Variants in BTN2A2 observed in about 807,000 individuals in gnomAD.
BTN2A2 encodes butyrophilin subfamily 2 member A2.
Under a neutral mutation model 34.7 loss-of-function variants are expected in BTN2A2, and 29 were observed. That is an observed-to-expected ratio of 0.84 (90% CI 0.62 to 1.14). The LOEUF (loss-of-function observed/expected upper bound fraction) is 1.14, where lower values mean the gene tolerates loss of function less well. BTN2A2 is among the 50% of genes most tolerant of loss of function. The pLI, the probability that BTN2A2 is intolerant of heterozygous loss-of-function variation, is 0.00. For missense variants in BTN2A2, 612 were observed against 651.5 expected, an observed-to-expected ratio of 0.94 and a Z score of 0.66; for synonymous variants, 240 against 253.1, an observed-to-expected ratio of 0.95 and a Z score of 0.49.
intron 7 of BTN2A2, 127 bp downstream of exon 7, chr6:26,390,956 A>T: frequency 7.0e-7 from 1 of 1,423,654 alleles, no homozygotes; most frequent in Non-Finnish European, 9.9e-7. Context: ...GGGTCAGTTC[A>T]TCAACGGTGT....
At position 26,392,894 on chromosome 6, in the gene BTN2A2, C is replaced by T. The variant is rs754406337; in HGVS notation, c.1499C>T (p.Thr500Ile). 1 of 1,614,084 alleles carries T rather than the reference C, an allele frequency of 6.2e-7. No individual in the cohort carries two copies. The highest frequency in any genetic ancestry group is 1.3e-5 in the African/African-American group (1 of 74,926). ...CCCATCTTCATCTGCCCTGCACTCA[C>T]AGGAGCCAGTGGGGTCATGGTGCCT... The part of the protein sequence containing the change: ...DSPIFICPAL[T>I]GASGVMVPEE... The change falls in exon 8 of 8, where the codon ACA becomes ATA. Residue 500 changes from threonine (T) to isoleucine (I), a missense_variant. By Grantham distance (89) the Thr-to-Ile change is moderately conservative. Coordinates refer to ENST00000356709, the MANE Select transcript of BTN2A2 (RefSeq NM_006995.5).
Position 26,392,410 on chromosome 6 carries a change from G to T in BTN2A2, c.1015G>T (p.Glu339Ter), listed in dbSNP as rs138172438. ...CCTGGATCCAGACACCGCTCATCCCGAGCTCTTCCTGTCAGAGGACCGGAG... is the reference window on the plus strand; with the variant it reads ...CCTGGATCCAGACACCGCTCATCCCTAGCTCTTCCTGTCAGAGGACCGGAG... Reference protein sequence around the residue: ...VVLDPDTAHPELFLSEDRRSV... With the variant: ...VVLDPDTAHP Residue 339 changes from glutamate to a stop codon, truncating the protein, a stop_gained, in exon 8 of 8, where the codon GAG (glutamate) becomes TAG (stop). Transcript: ENST00000356709. LOFTEE classifies it low-confidence loss of function (END_TRUNC). The T allele has an allele frequency of 2.5e-6, 4 of 1,614,186 alleles. No homozygotes were observed. The South Asian group carries it at 3.3e-5, about 13-fold the overall frequency.
rs996356931 is a variant in BTN2A2 at position 26,394,437 on chromosome 6, T to C, written c.*1470T>C. ...CTCCTTCTGTTGGCTGGGTGCCCAATACAACAAAAAGGCAGAGGAAAGGCA... is the reference window on the plus strand; with the variant it reads ...CTCCTTCTGTTGGCTGGGTGCCCAACACAACAAAAAGGCAGAGGAAAGGCA... On this transcript the variant is annotated 3_prime_UTR_variant, in exon 8 of 8. Coordinates refer to ENST00000356709, the MANE Select transcript of BTN2A2 (RefSeq NM_006995.5). 3 of 648,690 alleles carry C rather than the reference T, an allele frequency of 4.6e-6. No individual in the cohort carries two copies. The African/African-American group carries it at 5.4e-5, about 12-fold the overall frequency. 40.2% of individuals were successfully genotyped at this position (648,690 alleles called of 1,614,324 possible).
intron 7 of BTN2A2, 122 bp from the exon 8 acceptor site, chr6:26,392,253 A>T: frequency 6.4e-7 from 1 of 1,563,402 alleles, no homozygotes; most frequent in Non-Finnish European, 8.7e-7. Context: ...GGGGACCTTC[A>T]TGGAAACGGC....
At position 26,394,491 on chromosome 6, in the gene BTN2A2, CTCT is replaced by C. The variant is rs766182183; in HGVS notation, c.*1534_*1536del. The C allele has an allele frequency of 2.7e-5, 15 of 563,590 alleles. No homozygotes were observed. The highest frequency in any genetic ancestry group is 1.8e-4 in the South Asian group (8 of 43,342). The allele number at this position is 563,590 out of a possible 1,614,324, so 34.9% of individuals were successfully genotyped here. On this transcript the variant is annotated 3_prime_UTR_variant, in exon 8 of 8. Transcript: ENST00000356709. ...TCTTCTCTCCTCTGGAGCTGAGACA[CTCT>C]TCTTCTTCTGCCCTTGGACATCAGA...
At position 26,385,016 on chromosome 6, in the gene BTN2A2, C is replaced by T; in HGVS notation, c.96C>T (p.Ala32=). 11 of 1,613,270 alleles carry T rather than the reference C, an allele frequency of 6.8e-6. No individual in the cohort carries two copies. Among genetic ancestry groups the T allele is most frequent in the Non-Finnish European group, 9.3e-6 (11 of 1,179,412 alleles). The change falls in exon 3 of 8, where the codon GCC becomes GCT. Residue 32 remains alanine, a splice_region_variant and synonymous_variant. Coordinates refer to ENST00000356709, the MANE Select transcript of BTN2A2 (RefSeq NM_006995.5). The part of the protein sequence containing the change: ...LLLSLCALVS[A]QFTVVGPANP... ...TCTGATTCTGCCCTTGTTGAACAGC[C>T]CAGTTTACTGTCGTGGGGCCAGCTA...
Position 26,384,050 on chromosome 6 carries a change from A to T in BTN2A2, c.94+135A>T. 1 of 1,043,900 alleles carries T rather than the reference A, an allele frequency of 9.6e-7. No individual in the cohort carries two copies. The highest frequency in any genetic ancestry group is 2.1e-5 in the Admixed American group (1 of 48,358). The allele number at this position is 1,043,900 out of a possible 1,614,324, so 64.7% of individuals were successfully genotyped here. A position where few individuals can be genotyped will look rare whatever the true frequency, so the allele number is the denominator to read the frequency against. On this transcript the variant is annotated intron_variant, in intron 2 of 7. Transcript: ENST00000356709. This position sits in a 1 kb window ranked among gnomAD's most constrained non-coding sequence, Gnocchi z 4.0. ...TTCTGAACATGTTCACTGAATTTATACCAGCACTGTCCAAAAGAAACACAG... is the reference window on the plus strand; with the variant it reads ...TTCTGAACATGTTCACTGAATTTATTCCAGCACTGTCCAAAAGAAACACAG...
Position 26,392,238 on chromosome 6 carries a change from G to T in BTN2A2, c.980-137G>T, listed in dbSNP as rs776513716. ...AATTCTCAGGGTATGAGCTGCCTGG[G>T]ATCAGGGGACCTTCATGGAAACGGC... On this transcript the variant is annotated intron_variant, in intron 7 of 7. Coordinates refer to ENST00000356709, the MANE Select transcript of BTN2A2 (RefSeq NM_006995.5). The T allele has an allele frequency of 3.9e-6, 6 of 1,553,370 alleles. No individual in the cohort carries two copies. In the Admixed American group the frequency reaches 7.8e-5, roughly 20 times the overall value.
intron 3 of BTN2A2, among the ~76,000 whole-genome samples, chr6:26,385,882 C>T (rs539396644): frequency 2.9e-4 from 44 of 152,290 alleles, no homozygotes; most frequent in African/African-American, 9.6e-4. Flanking sequence ...ACACGCATTC[C>T]TCAGCTGAGG....
intron 3 of BTN2A2, among the ~76,000 whole-genome samples, chr6:26,386,625 AC>A (rs1761220033): frequency 6.6e-6 from 1 of 152,124 alleles, no homozygotes; most frequent in Non-Finnish European, 1.5e-5. Flanking sequence ...TGTGGCAGGG[AC>A]CCACTACTCT....
chr6:26,389,936 G>C (rs749680627), intron 4 of BTN2A2, 69 bp from the exon 5 acceptor site: 5 of 1,480,092 alleles, frequency 3.4e-6, no homozygotes, highest in African/African-American at 1.4e-5. Context: ...CTTCAGATGT[G>C]CTCTTAGGGG....
intron 4 of BTN2A2, among the ~76,000 whole-genome samples, chr6:26,388,771 G>A (rs528398617): frequency 6.6e-5 from 10 of 152,272 alleles, no homozygotes; most frequent in African/African-American, 2.4e-4. Context: ...GGAAACCAAG[G>A]GTCAATAATT....
intron 3 of BTN2A2, among the ~76,000 whole-genome samples, chr6:26,386,768 G>A (rs1761228989): frequency 6.6e-6 from 1 of 152,134 alleles, no homozygotes; most frequent in Non-Finnish European, 1.5e-5. Context: ...TAAATCTATT[G>A]TGTCATGCTT....
intron 7 of BTN2A2, 152 bp from the exon 8 acceptor site, chr6:26,392,223 G>A: frequency 6.5e-7 from 1 of 1,547,426 alleles, no homozygotes; most frequent in South Asian, 1.2e-5. Context: ...AATTCTCAGG[G>A]TATGAGCTGC....
Position 26,390,201 on chromosome 6 carries a change from A to C in BTN2A2, c.921A>C (p.Lys307Asn), listed in dbSNP as rs1186950330. The C allele has an allele frequency of 6.2e-7, 1 of 1,613,956 alleles. No homozygotes were observed. The highest frequency in any genetic ancestry group is 1.1e-5 in the South Asian group (1 of 91,060). ...AAAAGAAAGTTGAACAAGAGGAAAA[A>C]GAAATTGCACGTAAGGAATTTGTAA... Reference protein sequence around the residue: ...SGEKKVEQEEKEIAQQLQEEL... With the variant: ...SGEKKVEQEENEIAQQLQEEL... The change falls in exon 5 of 8, where the codon AAA becomes AAC. Residue 307 changes from lysine (K) to asparagine (N), a missense_variant. Physicochemically the swap from Lys to Asn is moderately conservative, Grantham distance 94. Transcript: ENST00000356709.
Position 26,393,009 on chromosome 6 carries a change from C to A in BTN2A2, c.*42C>A. 6.2e-7 allele frequency: 1 copy of A among 1,613,678 alleles called. No homozygotes were observed. Among genetic ancestry groups the A allele is most frequent in the Non-Finnish European group, 8.5e-7 (1 of 1,179,798 alleles). ...TCACAGCCATGCAGATAAGCCCTGG[C>A]CATCTCAGCAGCCACCGCACAACCC... On this transcript the variant is annotated 3_prime_UTR_variant, in exon 8 of 8. Transcript: ENST00000356709.
rs1429867390 is a variant in BTN2A2 at position 26,392,850 on chromosome 6, G to A, written c.1455G>A (p.Arg485=). The A allele has an allele frequency of 1.2e-6, 2 of 1,614,014 alleles. No homozygotes were observed. The highest frequency in any genetic ancestry group is 1.3e-5 in the African/African-American group (1 of 74,904). The change falls in exon 8 of 8, where the codon AGG becomes AGA. Residue 485 remains arginine, a synonymous_variant. Coordinates refer to ENST00000356709, the MANE Select transcript of BTN2A2 (RefSeq NM_006995.5). ...AFTVPVRPFF[R]LGSDDSPIFI... is the part of the protein sequence containing the mutation. The stretch of plus-strand genomic sequence containing the variant: ...CTGTGCCTGTGAGGCCCTTCTTCAG[G>A]TTAGGGTCTGATGACAGCCCCATCT...
At chr6:26,392,182 G>A in intron 7 of BTN2A2, 193 bp from the exon 8 acceptor site, 1 of 1,509,798 alleles carries the variant, frequency 6.6e-7, no homozygotes, top group Non-Finnish European at 8.9e-7. Flanking sequence ...CACTGCTTCT[G>A]TCTCTGGAGA....
intron 3 of BTN2A2, among the ~76,000 whole-genome samples, chr6:26,387,161 C>A (rs1414720757): frequency 1.3e-5 from 2 of 152,148 alleles, no homozygotes; most frequent in Non-Finnish European, 1.5e-5. Flanking sequence ...GTGATGATCT[C>A]TGACATTGAG....
Sources: gnomAD v4.1 joint callset for allele counts (sites outside exome capture counted in the v4.1 genomes callset) on GRCh38, gnomAD v4.1.1 for gene constraint, Gnocchi (gnomAD v3.1) non-coding constraint, MANE v1.5 for transcripts, NCBI Gene and HGNC (gene_info 2026-07-23, HGNC 2026-07-21) for gene names.